The following PARD3 variants were observed in gnomAD, a reference collection of about 807,000 sequenced individuals.
PARD3 encodes the protein par-3 family cell polarity regulator, also known as partitioning defective 3 homolog.
In PARD3, 75 loss-of-function variants were observed where a neutral mutation model predicts 155.4. The observed-to-expected ratio is 0.48, with a 90% CI of 0.40 to 0.58. The LOEUF (loss-of-function observed/expected upper bound fraction) is 0.58, where lower values mean the gene tolerates loss of function less well. Ranked by LOEUF, PARD3 falls within the 20% of genes least tolerant of loss-of-function variation. PARD3 has a pLI of 0.00. For missense variants in PARD3, 1,642 were observed against 1,721.7 expected, an observed-to-expected ratio of 0.95 and a Z score of 0.82; for synonymous variants, 576 against 610.5, an observed-to-expected ratio of 0.94 and a Z score of 0.83.
At chr10:34,633,024 A>C (rs1179236014) in intron 2 of PARD3, among the ~76,000 whole-genome samples, 4 of 152,218 alleles carry the variant, frequency 2.6e-5, no homozygotes, top group Admixed American at 1.3e-4. Context: ...TTGGAGGCTC[A>C]AGATTTGAGA....
At chr10:34,114,101 G>A (rs144515295) in intron 24 of PARD3, among the ~76,000 whole-genome samples, 2 of 152,064 alleles carry the variant, frequency 1.3e-5, no homozygotes, top group African/African-American at 4.8e-5. Flanking sequence ...TACAAAAGAT[G>A]TTTTGAAAAA....
chr10:34,702,859 C>T (rs923402115), intron 1 of PARD3, among the ~76,000 whole-genome samples: 3 of 152,098 alleles, frequency 2.0e-5, no homozygotes, highest in African/African-American at 7.2e-5. Context: ...GAGAGACAGA[C>T]TTTTAAGAAC....
At chr10:34,310,917 TCTCA>T (rs1457066365) in intron 20 of PARD3, among the ~76,000 whole-genome samples, 1 of 152,228 alleles carries the variant, frequency 6.6e-6, no homozygotes, top group East Asian at 1.9e-4. Flanking sequence ...TTATGTAAAA[TCTCA>T]CTGTGTTTCA....
intron 5 of PARD3, among the ~76,000 whole-genome samples, chr10:34,417,259 T>C (rs1301405980): frequency 2.0e-5 from 3 of 152,140 alleles, no homozygotes; most frequent in African/African-American, 7.2e-5. Flanking sequence ...CGGACTGATT[T>C]TGTCTGTGCA....
chr10:34,808,470 T>C (rs4934665), intron 1 of PARD3, among the ~76,000 whole-genome samples: 53,585 of 151,876 alleles, frequency 0.35, 10,578 homozygotes, highest in African/African-American at 0.55. Context: ...ACTGTATACA[T>C]TTACTGATGT....
chr10:34,417,061 C>T (rs1321821471), intron 5 of PARD3, among the ~76,000 whole-genome samples: 1 of 152,174 alleles, frequency 6.6e-6, no homozygotes, highest in East Asian at 1.9e-4. Flanking sequence ...ATGGTTCCCA[C>T]ACCCCTATGA....
intron 7 of PARD3, among the ~76,000 whole-genome samples, chr10:34,391,678 A>G (rs565956175): frequency 6.6e-6 from 1 of 152,322 alleles, no homozygotes; most frequent in African/African-American, 2.4e-5. Context: ...ACAAACTTTT[A>G]TATTTCAGTG....
At chr10:34,478,895 T>G (rs555022110) in intron 3 of PARD3, among the ~76,000 whole-genome samples, 1 of 152,168 alleles carries the variant, frequency 6.6e-6, no homozygotes, top group Non-Finnish European at 1.5e-5. Context: ...TGAGGCATAT[T>G]AAATCTATAC....
chr10:34,286,844 G>T (rs1044771202), intron 20 of PARD3, among the ~76,000 whole-genome samples: 2 of 152,174 alleles, frequency 1.3e-5, no homozygotes, highest in African/African-American at 4.8e-5. Context: ...CTATGGTGAT[G>T]AACCAGCTGG....
chr10:34,450,332 C>T lies in PARD3; in HGVS notation c.699G>A (p.Leu233=). The change falls in exon 5 of 25, where the codon CTG becomes CTA. Residue 233 remains leucine (L), a synonymous_variant. Transcript: ENST00000374788. Reference sequence around the variant, plus strand: ...GTCATGTTACCTGTTCTTGTTTCTCCAGCCACTTGCCCACCATTGGGTGAC... The same window carrying T: ...GTCATGTTACCTGTTCTTGTTTCTCTAGCCACTTGCCCACCATTGGGTGAC... ...SASHPMVGKW[L]EKQEQDEDGT... The T allele has an allele frequency of 6.2e-7, 1 of 1,613,578 alleles. No homozygotes were observed. The highest frequency in any genetic ancestry group is 8.5e-7 in the Non-Finnish European group (1 of 1,179,806).
At chr10:34,636,501 A>G (rs971423360) in intron 2 of PARD3, among the ~76,000 whole-genome samples, 2 of 152,140 alleles carry the variant, frequency 1.3e-5, no homozygotes, top group Admixed American at 1.3e-4. Context: ...AGGACACATG[A>G]ACCCAGACAG....
At chr10:34,558,856 A>G (rs1267104787) in intron 2 of PARD3, among the ~76,000 whole-genome samples, 1 of 152,196 alleles carries the variant, frequency 6.6e-6, no homozygotes, top group Non-Finnish European at 1.5e-5. Flanking sequence ...CTGAGGCAGA[A>G]GAATCACTTT....
intron 2 of PARD3, among the ~76,000 whole-genome samples, chr10:34,648,919 C>T (rs572875643): frequency 6.6e-6 from 1 of 152,194 alleles, no homozygotes; most frequent in Admixed American, 6.5e-5. Context: ...ATTATGGTCA[C>T]TTACAAATGA....
intron 2 of PARD3, among the ~76,000 whole-genome samples, chr10:34,617,690 T>C (rs1391629866): frequency 6.6e-6 from 1 of 152,182 alleles, no homozygotes; most frequent in Non-Finnish European, 1.5e-5. Flanking sequence ...AACCAAGTGA[T>C]TATTTCTCAA....
At chr10:34,146,755 C>T (rs1408249322) in intron 22 of PARD3, among the ~76,000 whole-genome samples, 2 of 152,166 alleles carry the variant, frequency 1.3e-5, no homozygotes, top group East Asian at 3.9e-4. Context: ...TCAGGAGTAT[C>T]CCACTGATGC....
chr10:34,708,384 T>G (rs548601578), intron 1 of PARD3, among the ~76,000 whole-genome samples: 11 of 152,090 alleles, frequency 7.2e-5, no homozygotes, highest in African/African-American at 2.7e-4. Context: ...CTGAAGAAAT[T>G]TGTCAAATTA....
intron 2 of PARD3, among the ~76,000 whole-genome samples, chr10:34,661,012 T>C (rs919389723): frequency 2.6e-5 from 4 of 152,178 alleles, no homozygotes; most frequent in African/African-American, 7.2e-5. Flanking sequence ...TTTTTAAAAA[T>C]AGAATTGACA....
At chr10:34,497,939 GA>G (rs1490762288) in intron 3 of PARD3, among the ~76,000 whole-genome samples, 27 of 151,992 alleles carry the variant, frequency 1.8e-4, no homozygotes, top group African/African-American at 5.8e-4. Flanking sequence ...TTAGATCTTG[GA>G]AAATAATTCA....
At chr10:34,639,450 G>A (rs866925202) in intron 2 of PARD3, among the ~76,000 whole-genome samples, 1 of 152,178 alleles carries the variant, frequency 6.6e-6, no homozygotes, top group African/African-American at 2.4e-5. Context: ...AAACAGGAAT[G>A]AAGCATTTCA....
Sources: gnomAD v4.1 joint callset for allele counts (sites outside exome capture counted in the v4.1 genomes callset) on GRCh38, gnomAD v4.1.1 for gene constraint, MANE v1.5 for transcripts, NCBI Gene and HGNC (gene_info 2026-07-23, HGNC 2026-07-21) for gene names.